The following SH3RF1 variants were observed in gnomAD, a reference collection of about 807,000 sequenced individuals.
SH3RF1 encodes E3 ubiquitin-protein ligase SH3RF1.
In SH3RF1, 32 loss-of-function variants were observed where a neutral mutation model predicts 74.0. The observed-to-expected ratio is 0.43, with a 90% CI of 0.33 to 0.58. The LOEUF (loss-of-function observed/expected upper bound fraction) is 0.58. SH3RF1 is among the 20% of genes least tolerant of loss of function. The probability of loss-of-function intolerance (pLI) is 0.05; values close to 1 mark genes in which losing one functional copy is unlikely to be tolerated. For missense variants in SH3RF1, 954 were observed against 1,130.9 expected (o/e 0.84, Z 2.24); for synonymous variants, 396 against 439.6 (o/e 0.90, Z 1.24).
Position 169,120,830 on chromosome 4 carries a change from T to C in SH3RF1, c.1506A>G (p.Ala502=). ...KIGVFPGNYV[A]PVTRAVTNAS... Reference sequence around the variant, plus strand: ...ATTCAAAACCATACCTTGTGACTGGTGCCACATAATTGCCAGGGAAAACCC... The same window carrying C: ...ATTCAAAACCATACCTTGTGACTGGCGCCACATAATTGCCAGGGAAAACCC... Residue 502 remains alanine (A), a synonymous_variant, in exon 8 of 12, where the codon GCA becomes GCG. Coordinates refer to ENST00000284637, the MANE Select transcript of SH3RF1 (RefSeq NM_020870.4). 1 of 1,614,174 alleles carries C rather than the reference T, an allele frequency of 6.2e-7. No homozygotes were observed.
intron 2 of SH3RF1, among the ~76,000 whole-genome samples, chr4:169,208,476 C>T (rs1322521284): frequency 6.6e-6 from 1 of 152,100 alleles, no homozygotes; most frequent in East Asian, 1.9e-4. Flanking sequence ...GTAGGACAGA[C>T]ACAAATGTTT....
At chr4:169,213,931 T>A (rs938317031) in intron 2 of SH3RF1, among the ~76,000 whole-genome samples, 10 of 152,250 alleles carry the variant, frequency 6.6e-5, no homozygotes, top group African/African-American at 2.4e-4. Flanking sequence ...TTACAGTAAG[T>A]CTTGAAGTTG....
intron 2 of SH3RF1, among the ~76,000 whole-genome samples, chr4:169,208,366 T>C (rs1453078421): frequency 1.3e-5 from 2 of 152,004 alleles, no homozygotes; most frequent in East Asian, 1.9e-4. Flanking sequence ...TTTAATCATA[T>C]GCCTAAAGAA....
At chr4:169,193,306 G>A (rs1734759352) in intron 2 of SH3RF1, among the ~76,000 whole-genome samples, 1 of 152,062 alleles carries the variant, frequency 6.6e-6, no homozygotes, top group Admixed American at 6.6e-5. Flanking sequence ...ATGAATGAAT[G>A]TTAGCTCCTT....
chr4:169,146,322 T>G (rs1421193992), intron 4 of SH3RF1, among the ~76,000 whole-genome samples: 1 of 150,482 alleles, frequency 6.6e-6, no homozygotes, highest in Non-Finnish European at 1.5e-5. Flanking sequence ...CTCTGCCTCC[T>G]GGGTTCAAGC....
chr4:169,269,134 G>A lies in SH3RF1; in HGVS notation c.79C>T (p.Pro27Ser), dbSNP rs1462450420. 2 of 1,613,720 alleles carry A rather than the reference G, an allele frequency of 1.2e-6. No individual in the cohort carries two copies. Among genetic ancestry groups the A allele is most frequent in the Non-Finnish European group, 1.7e-6 (2 of 1,180,012 alleles). Reference sequence around the variant, plus strand: ...CGCTTGCAAAACGTATGCTGGCAAGGCAAGACCTTCGCAGAAGCATCAAGG... The same window carrying A: ...CGCTTGCAAAACGTATGCTGGCAAGACAAGACCTTCGCAGAAGCATCAAGG... ...ERLDASAKVL[P>S]CQHTFCKRCL... Residue 27 changes from proline (P) to serine (S), a missense_variant, in exon 2 of 12, where the codon CCT becomes TCT. By Grantham distance (74) the Pro-to-Ser change is moderately conservative. This residue lies in a region of SH3RF1 where 64 missense variants were observed against 101.9 expected (regional missense o/e 0.63). Transcript: ENST00000284637.
chr4:169,178,727 T>C (rs1029990854), intron 2 of SH3RF1, among the ~76,000 whole-genome samples: 10 of 152,212 alleles, frequency 6.6e-5, no homozygotes, highest in Non-Finnish European at 1.2e-4. Flanking sequence ...GCCTAGACCA[T>C]GTATGCAATA....
intron 2 of SH3RF1, among the ~76,000 whole-genome samples, chr4:169,235,368 C>G (rs139546524): frequency 7.4e-4 from 113 of 152,294 alleles, no homozygotes; most frequent in African/African-American, 2.4e-3. Context: ...AATACTCATT[C>G]AACATTTACT....
intron 2 of SH3RF1, among the ~76,000 whole-genome samples, chr4:169,179,552 C>A (rs1734474393): frequency 6.6e-6 from 1 of 152,162 alleles, no homozygotes; most frequent in Admixed American, 6.5e-5. Context: ...GTAACCAATA[C>A]CAGCAACAGA....
At chr4:169,151,126 T>C (rs762098178) in intron 4 of SH3RF1, among the ~76,000 whole-genome samples, 2 of 152,174 alleles carry the variant, frequency 1.3e-5, no homozygotes, top group Non-Finnish European at 2.9e-5. Context: ...AGTTCATAGG[T>C]TGCTCATTCA....
intron 10 of SH3RF1, among the ~76,000 whole-genome samples, chr4:169,112,659 G>A (rs1442625608): frequency 2.0e-5 from 3 of 152,010 alleles, no homozygotes; most frequent in Admixed American, 6.6e-5. Context: ...TTTTTAAAGG[G>A]CACGTACAAA....
chr4:169,255,592 C>T (rs985177941), intron 2 of SH3RF1, among the ~76,000 whole-genome samples: 4 of 147,218 alleles, frequency 2.7e-5, no homozygotes, highest in Admixed American at 7.0e-5. Flanking sequence ...TGTGCATATG[C>T]ATGGATACAT....
chr4:169,136,294 T>C (rs771819975), intron 5 of SH3RF1, 24 bp downstream of exon 5: 33 of 1,388,856 alleles, frequency 2.4e-5, no homozygotes, highest in Non-Finnish European at 2.8e-5. Flanking sequence ...GCTCTTTTTA[T>C]ATAACACTTG....
chr4:169,156,885 G>A (rs545457154), intron 2 of SH3RF1, among the ~76,000 whole-genome samples: 13 of 152,206 alleles, frequency 8.5e-5, no homozygotes, highest in African/African-American at 2.9e-4. Context: ...AGAACAGTAC[G>A]ACACCCATGC....
intron 2 of SH3RF1, among the ~76,000 whole-genome samples, chr4:169,259,204 C>G (rs952007802): frequency 2.6e-5 from 4 of 151,992 alleles, no homozygotes; most frequent in Admixed American, 2.6e-4. Flanking sequence ...TTCCTTAATC[C>G]TTAAGGAATT....
chr4:169,202,073 A>G (rs373332263), intron 2 of SH3RF1, among the ~76,000 whole-genome samples: 25 of 152,268 alleles, frequency 1.6e-4, no homozygotes, highest in African/African-American at 4.6e-4. Flanking sequence ...ATGAGAGACA[A>G]TGCTGTCAGC....
chr4:169,268,792 CACCA>C, intron 2 of SH3RF1, 24 bp downstream of exon 2: 1 of 1,528,478 alleles, frequency 6.5e-7, no homozygotes, highest in East Asian at 2.3e-5. Flanking sequence ...CACCTTTATT[CACCA>C]AACTACCTCT....
At chr4:169,196,687 C>T (rs1734817839) in intron 2 of SH3RF1, among the ~76,000 whole-genome samples, 1 of 152,122 alleles carries the variant, frequency 6.6e-6, no homozygotes, top group Non-Finnish European at 1.5e-5. Flanking sequence ...TCCAATGCCT[C>T]CAAGCAGACT....
intron 8 of SH3RF1, among the ~76,000 whole-genome samples, chr4:169,118,101 T>C (rs1337131990): frequency 1.3e-5 from 2 of 152,186 alleles, no homozygotes; most frequent in Non-Finnish European, 2.9e-5. Flanking sequence ...TCCCCCTTCA[T>C]CTACAGAACA....
Sources: gnomAD v4.1 joint callset for allele counts (sites outside exome capture counted in the v4.1 genomes callset) on GRCh38, gnomAD v4.1.1 for gene constraint, gnomAD v4.1.1 regional missense constraint, MANE v1.5 for transcripts, NCBI Gene and HGNC (gene_info 2026-07-23, HGNC 2026-07-21) for gene names.